The following DMD variants were observed in gnomAD, a reference collection of about 807,000 sequenced individuals.
DMD encodes the protein dystrophin, also known as mutant dystrophin.
A neutral mutation model predicts 330.1 loss-of-function variants in DMD; 63 were observed. That is an observed-to-expected ratio of 0.19 (90% confidence interval 0.16 to 0.24). The LOEUF (loss-of-function observed/expected upper bound fraction) is 0.24. Among genes scored for constraint, DMD ranks in the 10% least tolerant of loss-of-function variants. DMD has a pLI of 1.00. For synonymous variants in DMD, 1,223 were observed against 959.8 expected, an observed-to-expected ratio of 1.27 and a Z score of -5.07; for missense variants, 3,344 against 2,684.1, an observed-to-expected ratio of 1.25 and a Z score of -5.43.
At chrX:33,297,318 CATT>C (rs1199489651) in intron 1 of DMD, among the ~76,000 whole-genome samples, 3 of 109,932 alleles carry the variant, frequency 2.7e-5, no homozygotes, top group Non-Finnish European at 5.7e-5. Flanking sequence ...AAGTTTGTCT[CATT>C]GTATCTTTAA....
intron 29 of DMD, among the ~76,000 whole-genome samples, chrX:32,421,536 G>A (rs746074548): frequency 8.9e-6 from 1 of 111,791 alleles, no homozygotes; most frequent in African/African-American, 3.2e-5. Flanking sequence ...TATGAGCATA[G>A]GGAACAGATA....
chrX:32,511,321 A>T (rs1274182049), intron 18 of DMD, among the ~76,000 whole-genome samples: 1 of 109,673 alleles, frequency 9.1e-6, no homozygotes, highest in Non-Finnish European at 1.9e-5. Flanking sequence ...CAGGAGATGG[A>T]GACCATCCTG....
rs1399750925 is a variant in DMD at position 32,783,883 on chromosome X, T to TC, written c.649+25609dup. ...CATGGATTGAAATAGTTCTAATACT[T>TC]CACTTTTTTCATACTTAAAGCTGCT... is the stretch of plus-strand genomic sequence containing the variant. On this transcript the variant is annotated intron_variant, in intron 7 of 78. Coordinates refer to ENST00000357033, the MANE Select transcript of DMD (RefSeq NM_004006.3). Among the ~76,000 whole-genome samples the TC allele has an allele frequency of 2.1e-4, 23 of 110,034 alleles. 1 individual carries two copies. The highest frequency in any genetic ancestry group is 7.6e-4 in the African/African-American group (23 of 30,327).
rs886521470 is a variant in DMD, at chrX:32,310,296, G to C, written c.5923-20C>G. The C allele has an allele frequency of 1.7e-6, 2 of 1,186,307 alleles. No individual in the cohort carries two copies. Among genetic ancestry groups the C allele is most frequent in the African/African-American group, 3.5e-5 (2 of 57,040 alleles). The stretch of plus-strand genomic sequence containing the variant: ...AGTGTGCTGGTATAGATATACAAAA[G>C]AACAATTTTTTTTAGCTTCCTAACA... On this transcript the variant is annotated intron_variant, in intron 41 of 78. Coordinates refer to ENST00000357033, the MANE Select transcript of DMD (RefSeq NM_004006.3).
At chrX:32,592,904 T>C (rs1385170195) in intron 13 of DMD, among the ~76,000 whole-genome samples, 1 of 112,882 alleles carries the variant, frequency 8.9e-6, no homozygotes, top group Non-Finnish European at 1.9e-5. Context: ...GTGGTACATC[T>C]GGTCCAGCCA....
At chrX:32,633,239 C>T (rs1416111441) in intron 11 of DMD, among the ~76,000 whole-genome samples, 2 of 111,122 alleles carry the variant, frequency 1.8e-5, no homozygotes, top group Non-Finnish European at 3.8e-5. Context: ...AAATTCATTC[C>T]GTCAGACACA....
intron 48 of DMD, among the ~76,000 whole-genome samples, chrX:31,869,167 C>T (rs761569645): frequency 1.5e-4 from 17 of 111,516 alleles, no homozygotes; most frequent in South Asian, 3.7e-4. Context: ...TGTGATTCTT[C>T]ATGAAAACTT....
chrX:32,242,379 T>A (rs1172473896), intron 43 of DMD, among the ~76,000 whole-genome samples: 4 of 112,095 alleles, frequency 3.6e-5, no homozygotes, highest in Non-Finnish European at 7.5e-5. Context: ...TCCTTGGTAC[T>A]AATAACACTC....
At chrX:32,356,486 A>T (rs1437059784) in intron 37 of DMD, among the ~76,000 whole-genome samples, 1 of 110,245 alleles carries the variant, frequency 9.1e-6, no homozygotes, top group Non-Finnish European at 1.9e-5. Flanking sequence ...ATCTCATATT[A>T]CAGTTGTAAT....
intron 1 of DMD, among the ~76,000 whole-genome samples, chrX:33,253,594 T>C (rs2052806803): frequency 9.0e-6 from 1 of 111,691 alleles, no homozygotes; most frequent in African/African-American, 3.2e-5. Context: ...AGAAAATCTG[T>C]CTAGCTTTAC....
intron 45 of DMD, among the ~76,000 whole-genome samples, chrX:31,949,873 T>C: frequency 9.2e-6 from 1 of 108,751 alleles, no homozygotes. Context: ...CCTTTTTCCT[T>C]TATGATTTTG....
chrX:32,590,890 A>C (rs1270338161), intron 13 of DMD, among the ~76,000 whole-genome samples: 1 of 111,824 alleles, frequency 8.9e-6, no homozygotes, highest in African/African-American at 3.3e-5. Context: ...TCTCCATGAT[A>C]AACTCCTAAA....
intron 45 of DMD, among the ~76,000 whole-genome samples, chrX:31,944,559 C>G (rs1316490059): frequency 2.8e-5 from 3 of 106,712 alleles, no homozygotes; most frequent in Admixed American, 1.0e-4. Context: ...CTCACTGCAA[C>G]CTCTGCCTCC....
chrX:32,130,774 A>G (rs912565215), intron 44 of DMD, among the ~76,000 whole-genome samples: 8 of 112,006 alleles, frequency 7.1e-5, no homozygotes, highest in African/African-American at 2.6e-4. Context: ...CATTTCCTCA[A>G]ACAAAAGTCC....
At chrX:32,132,645 G>A (rs1352353214) in intron 44 of DMD, among the ~76,000 whole-genome samples, 1 of 111,006 alleles carries the variant, frequency 9.0e-6, no homozygotes, top group Non-Finnish European at 1.9e-5. Flanking sequence ...AAGGAATCTT[G>A]CTGCTAATTC....
At chrX:32,623,527 T>C (rs1569329590) in intron 11 of DMD, among the ~76,000 whole-genome samples, 1 of 105,378 alleles carries the variant, frequency 9.5e-6, no homozygotes. Flanking sequence ...ATAATACTAG[T>C]ATTTTTTTTT....
At chrX:31,638,001 T>C (rs2079513423) in intron 54 of DMD, among the ~76,000 whole-genome samples, 1 of 111,588 alleles carries the variant, frequency 9.0e-6, no homozygotes, top group Admixed American at 9.6e-5. Context: ...GGGTGGACTA[T>C]TTTACTGGGC....
intron 62 of DMD, among the ~76,000 whole-genome samples, chrX:31,264,237 C>T (rs1269875507): frequency 3.6e-5 from 4 of 111,752 alleles, no homozygotes; most frequent in African/African-American, 9.8e-5. Flanking sequence ...AATATGCAGA[C>T]GATATAGAAA....
intron 1 of DMD, among the ~76,000 whole-genome samples, chrX:33,321,279 G>A (rs2054010673): frequency 9.0e-6 from 1 of 111,355 alleles, no homozygotes; most frequent in Non-Finnish European, 1.9e-5. Flanking sequence ...CTTAAATAAT[G>A]AGACATAAAT....
Sources: gnomAD v4.1 joint callset for allele counts (sites outside exome capture counted in the v4.1 genomes callset) on GRCh38, gnomAD v4.1.1 for gene constraint, MANE v1.5 for transcripts, NCBI Gene and HGNC (gene_info 2026-07-23, HGNC 2026-07-21) for gene names.